CARM1: variants seen among roughly 807,000 people sequenced by gnomAD.
CARM1 encodes the protein coactivator associated arginine methyltransferase 1.
A neutral mutation model predicts 72.7 loss-of-function variants in CARM1; 14 were observed. The ratio of observed to expected loss-of-function variants is 0.19; its 90% CI spans 0.13 to 0.30. The LOEUF (loss-of-function observed/expected upper bound fraction) is 0.30. Ranked by LOEUF, CARM1 falls within the 10% of genes least tolerant of loss-of-function variation. CARM1 has a pLI of 1.00. For missense variants in CARM1, 432 were observed against 833.7 expected, an observed-to-expected ratio of 0.52 and a Z score of 5.93; for synonymous variants, 333 against 345.5, an observed-to-expected ratio of 0.96 and a Z score of 0.40.
intron 4 of CARM1, among the ~76,000 whole-genome samples, chr19:10,910,930 A>G (rs1045902507): frequency 2.5e-4 from 37 of 149,154 alleles, no homozygotes; most frequent in African/African-American, 9.0e-4. Context: ...TCACTCTGTC[A>G]CCCAGGCTGG....
intron 1 of CARM1, among the ~76,000 whole-genome samples, chr19:10,887,154 A>G (rs1005223228): frequency 1.3e-5 from 2 of 152,234 alleles, no homozygotes; most frequent in Non-Finnish European, 2.9e-5. Flanking sequence ...TCAGCCCTGC[A>G]GCCCCTCCTG....
At chr19:10,881,881 C>T (rs891070200) in intron 1 of CARM1, among the ~76,000 whole-genome samples, 13 of 152,192 alleles carry the variant, frequency 8.5e-5, no homozygotes, top group Non-Finnish European at 1.5e-4. Flanking sequence ...TGGTGACACC[C>T]GAGATAAACA....
Position 10,876,204 on chromosome 19 carries a change from C to T in CARM1, c.220+4282C>T, listed in dbSNP as rs548341835. ...TCACATATGGCTAATTTTTAAGTTT[C>T]TTCTAGCGATGCGGTCTCACTATTT... On this transcript the variant is annotated intron_variant, in intron 1 of 15. Transcript: ENST00000327064. Among the ~76,000 whole-genome samples, 30 of 152,152 alleles carry T rather than the reference C, an allele frequency of 2.0e-4. 1 individual carries two copies. In the South Asian group the frequency reaches 5.8e-3, roughly 30 times the overall value.
rs182486947 is a variant in CARM1 at position 10,894,315 on chromosome 19, C to T, written c.221-10636C>T. ...CAGGTCCTCTGTGCCTGCATGTGGT[C>T]CGGGCAGAGCAGGCTGAGCAGAGAT... On this transcript the variant is annotated intron_variant, in intron 1 of 15. Transcript: ENST00000327064. 2.9e-4 allele frequency among the ~76,000 whole-genome samples: 44 copies of T among 152,326 alleles called. No individual in the cohort carries two copies. The East Asian group carries it at 7.9e-3, about 27-fold the overall frequency.
chr19:10,875,857 G>T (rs914731141), intron 1 of CARM1, among the ~76,000 whole-genome samples: 1 of 151,752 alleles, frequency 6.6e-6, no homozygotes, highest in Non-Finnish European at 1.5e-5. Flanking sequence ...AGATTCCAGG[G>T]GTTACAACTT....
intron 1 of CARM1, among the ~76,000 whole-genome samples, chr19:10,884,688 C>T (rs1310275471): frequency 6.6e-6 from 1 of 152,090 alleles, no homozygotes; most frequent in Non-Finnish European, 1.5e-5. Flanking sequence ...GGTGTTGATT[C>T]TCTGCATCGC....
At chr19:10,913,785 T>G in intron 5 of CARM1, 92 bp from the exon 6 acceptor site, 1 of 1,322,668 alleles carries the variant, frequency 7.6e-7, no homozygotes, top group Non-Finnish European at 1.0e-6. Context: ...AATGCCCATG[T>G]GTGGATGGAG....
At chr19:10,919,559 C>T (rs2074223748) in intron 8 of CARM1, 36 bp from the exon 9 acceptor site, 10 of 1,489,010 alleles carry the variant, frequency 6.7e-6, no homozygotes, top group African/African-American at 1.4e-5. Context: ...CTGGCCCTGG[C>T]GTCAGATGCC....
chr19:10,876,347 TACTG>T (rs765743777), intron 1 of CARM1, among the ~76,000 whole-genome samples: 4 of 152,226 alleles, frequency 2.6e-5, no homozygotes, highest in Non-Finnish European at 5.9e-5. Flanking sequence ...ATGTCCATGT[TACTG>T]ACAGCAGTGT....
intron 1 of CARM1, among the ~76,000 whole-genome samples, chr19:10,901,488 G>C (rs185494099): frequency 6.6e-6 from 1 of 151,748 alleles, no homozygotes; most frequent in East Asian, 1.9e-4. Context: ...GGCTAATTTT[G>C]TTTATTTTTT....
In CARM1 at chr19:10,902,696, C is replaced by G. The variant is rs796378339; in HGVS notation, c.221-2255C>G. On this transcript the variant is annotated intron_variant, in intron 1 of 15. Transcript: ENST00000327064. The stretch of plus-strand genomic sequence containing the variant: ...CCATCTCTGCTCACTGCAGTGTCAA[C>G]TTCCTGGGCTCAGGTGATTCTCCCA... 2.6e-5 allele frequency among the ~76,000 whole-genome samples: 4 copies of G among 151,426 alleles called. 1 individual carries two copies. The highest frequency in any genetic ancestry group is 9.7e-5 in the African/African-American group (4 of 41,290).
intron 1 of CARM1, among the ~76,000 whole-genome samples, chr19:10,893,797 G>C (rs2074005324): frequency 6.6e-6 from 1 of 152,222 alleles, no homozygotes; most frequent in Admixed American, 6.5e-5. Context: ...CTCCACGTGG[G>C]TTATGTCACC....
rs2073822369 is a variant in CARM1, at chr19:10,871,994, G to A, written c.220+72G>A. The A allele has an allele frequency of 2.6e-6, 3 of 1,134,648 alleles. No individual in the cohort carries two copies. The highest frequency in any genetic ancestry group is 3.3e-6 in the Non-Finnish European group (3 of 919,344). The allele number at this position is 1,134,648 out of a possible 1,614,324, so 70.3% of individuals were successfully genotyped here. A position where few individuals can be genotyped will look rare whatever the true frequency, so the allele number is the denominator to read the frequency against. On this transcript the variant is annotated intron_variant, in intron 1 of 15. Transcript: ENST00000327064. The surrounding 1 kb of genome is among the most constrained non-coding windows in gnomAD (Gnocchi z 5.6). ...AGGCCGGCCCGGGGCGGGGGCCGGC[G>A]GGGAGGGGCCCTGAGCGCGGGGGCC...
intron 1 of CARM1, 130 bp downstream of exon 1, chr19:10,872,052 C>T: frequency 1.3e-6 from 1 of 765,264 alleles, no homozygotes; most frequent in African/African-American, 1.9e-5. Flanking sequence ...AGCCGGTGGC[C>T]TGCAGGGAGC....
rs143010953 is a variant in CARM1 at position 10,883,412 on chromosome 19, C to T, written c.220+11490C>T. Among the ~76,000 whole-genome samples, 935 of 152,290 alleles carry T rather than the reference C, an allele frequency of 6.1e-3. 5 individuals carry two copies. Among genetic ancestry groups the T allele is most frequent in the Non-Finnish European group, 8.7e-3 (593 of 68,020 alleles). On this transcript the variant is annotated intron_variant, in intron 1 of 15. Transcript: ENST00000327064. The stretch of plus-strand genomic sequence containing the variant: ...GTTTATCTGTCCCAGGGGCCTTCTC[C>T]GGCACCCTCTGGATCTGCTTCCTGA...
rs145129402 is a variant in CARM1, at chr19:10,883,050, G to T, written c.220+11128G>T. On this transcript the variant is annotated intron_variant, in intron 1 of 15. Coordinates refer to ENST00000327064, the MANE Select transcript of CARM1 (RefSeq NM_199141.2). Reference sequence around the variant, plus strand: ...GCCCTGCTACTCTCTGCCTTTCCTGGCTGGAATGCTATCCCTGGCCTCCCA... The same window carrying T: ...GCCCTGCTACTCTCTGCCTTTCCTGTCTGGAATGCTATCCCTGGCCTCCCA... Among the ~76,000 whole-genome samples the T allele has an allele frequency of 4.9e-3, 740 of 152,214 alleles. 9 individuals are homozygous for T. The highest frequency in any genetic ancestry group is 0.017 in the African/African-American group (714 of 41,524).
intron 1 of CARM1, among the ~76,000 whole-genome samples, chr19:10,898,747 C>T (rs903244340): frequency 2.4e-4 from 37 of 152,224 alleles, no homozygotes; most frequent in Non-Finnish European, 4.9e-4. Context: ...TCCTGGGGTG[C>T]TGTTCGCAAG....
chr19:10,904,932 AG>A lies in CARM1; in HGVS notation c.221-18del, dbSNP rs993585421. ...CTGACAGGGCTGCACCGCTCACGCC[AG>A]CCTGTCTTCTCTCGTAGATGAAGAT... On this transcript the variant is annotated intron_variant, in intron 1 of 15. Transcript: ENST00000327064. 1 of 1,613,476 alleles carries A rather than the reference AG, an allele frequency of 6.2e-7. No homozygotes were observed.
chr19:10,889,876 A>G (rs1370664776), intron 1 of CARM1, among the ~76,000 whole-genome samples: 1 of 152,186 alleles, frequency 6.6e-6, no homozygotes, highest in East Asian at 1.9e-4. Flanking sequence ...CATGGAATGA[A>G]GCCCCCCATC....
Sources: allele counts gnomAD v4.1 joint callset (sites outside exome capture counted in the v4.1 genomes callset), GRCh38; gene constraint gnomAD v4.1.1; non-coding constraint Gnocchi (gnomAD v3.1); transcripts MANE v1.5; gene names NCBI Gene and HGNC (gene_info 2026-07-23, HGNC 2026-07-21).